The following PCDH9 variants were observed in gnomAD, a reference collection of about 807,000 sequenced individuals.
The protein encoded by PCDH9 is protocadherin-9.
PCDH9 carries 24 observed loss-of-function variants against 70.6 expected under a neutral mutation model. The ratio of observed to expected loss-of-function variants is 0.34; its 90% CI spans 0.25 to 0.48. PCDH9 has a LOEUF of 0.48. PCDH9 is among the 20% of genes least tolerant of loss of function. The pLI is 0.99. For missense variants in PCDH9, 1,281 were observed against 1,503.6 expected, an observed-to-expected ratio of 0.85 and a Z score of 2.45; for synonymous variants, 562 against 558.5, an observed-to-expected ratio of 1.01 and a Z score of -0.09.
intron 4 of PCDH9, among the ~76,000 whole-genome samples, chr13:66,401,088 G>T (rs1183639701): frequency 6.6e-6 from 1 of 152,162 alleles, no homozygotes; most frequent in Admixed American, 6.5e-5. Flanking sequence ...TGATTATGTG[G>T]TATGCAATAG....
intron 2 of PCDH9, among the ~76,000 whole-genome samples, chr13:66,926,784 G>A (rs1389307148): frequency 5.3e-5 from 8 of 151,998 alleles, no homozygotes; most frequent in Non-Finnish European, 8.8e-5. Flanking sequence ...AATTTTTTGT[G>A]TTAAGTGCTT....
At chr13:67,115,233 T>C (rs2086735978) in intron 2 of PCDH9, among the ~76,000 whole-genome samples, 1 of 152,198 alleles carries the variant, frequency 6.6e-6, no homozygotes, top group South Asian at 2.1e-4. Context: ...GTAATAATAA[T>C]TGGATTTATA....
chr13:66,632,543 G>C (rs1427108668), intron 3 of PCDH9, among the ~76,000 whole-genome samples: 1 of 152,148 alleles, frequency 6.6e-6, no homozygotes, highest in Non-Finnish European at 1.5e-5. Context: ...GTGACCTAAA[G>C]TGTATACATG....
chr13:67,049,388 C>T (rs958077207), intron 2 of PCDH9, among the ~76,000 whole-genome samples: 7 of 152,174 alleles, frequency 4.6e-5, no homozygotes, highest in Non-Finnish European at 1.0e-4. Flanking sequence ...ATATTTCACA[C>T]TTGGACATCT....
At chr13:67,181,671 A>C (rs2088618961) in intron 2 of PCDH9, among the ~76,000 whole-genome samples, 1 of 152,188 alleles carries the variant, frequency 6.6e-6, no homozygotes, top group South Asian at 2.1e-4. Context: ...AAGCAAAGTA[A>C]GTGAATCTTG....
intron 3 of PCDH9, among the ~76,000 whole-genome samples, chr13:66,808,103 C>A (rs1006793768): frequency 2.0e-5 from 3 of 151,940 alleles, no homozygotes; most frequent in African/African-American, 7.3e-5. Flanking sequence ...AGTGACCATA[C>A]CTGAAGGAAA....
At chr13:66,423,181 A>T (rs1229252104) in intron 4 of PCDH9, among the ~76,000 whole-genome samples, 1 of 152,122 alleles carries the variant, frequency 6.6e-6, no homozygotes, top group African/African-American at 2.4e-5. Context: ...CTACCAACCA[A>T]AAAAAGCCCA....
chr13:66,806,683 T>C (rs1410988550), intron 3 of PCDH9, among the ~76,000 whole-genome samples: 2 of 152,160 alleles, frequency 1.3e-5, no homozygotes, highest in Non-Finnish European at 2.9e-5. Flanking sequence ...AGTGAAGCAC[T>C]TTATCTCTCT....
At chr13:66,657,007 A>G (rs934872403) in intron 3 of PCDH9, among the ~76,000 whole-genome samples, 1 of 152,214 alleles carries the variant, frequency 6.6e-6, no homozygotes, top group Non-Finnish European at 1.5e-5. Flanking sequence ...CAAGGAAAAG[A>G]AAACAACAGA....
rs1289450252 is a variant in PCDH9 at position 67,074,971 on chromosome 13, G to A, written c.3036+150434C>T. Reference sequence around the variant, plus strand: ...TGAAAATAGGATTTGCTCTTCCTAAGTTTAGACATTTTTTTTTAGGTGCCA... The same window carrying A: ...TGAAAATAGGATTTGCTCTTCCTAAATTTAGACATTTTTTTTTAGGTGCCA... On this transcript the variant is annotated intron_variant, in intron 2 of 4. Transcript: ENST00000377865. 1.3e-5 allele frequency among the ~76,000 whole-genome samples: 2 copies of A among 151,750 alleles called. 1 individual carries two copies. The highest frequency in any genetic ancestry group is 2.9e-5 in the Non-Finnish European group (2 of 67,962).
intron 2 of PCDH9, among the ~76,000 whole-genome samples, chr13:66,978,848 ATATG>A (rs1333470973): frequency 6.6e-6 from 1 of 150,874 alleles, no homozygotes; most frequent in Non-Finnish European, 1.5e-5. Context: ...ATGTATGTAT[ATATG>A]TATATTTATA....
chr13:67,154,575 C>CAAAAA (rs753995213), intron 2 of PCDH9, among the ~76,000 whole-genome samples: 22 of 37,268 alleles, frequency 5.9e-4, no homozygotes, highest in East Asian at 1.9e-3. Context: ...GACCCTGTCT[C>CAAAAA]AAAAAAAAAA....
intron 2 of PCDH9, among the ~76,000 whole-genome samples, chr13:66,925,847 A>T (rs1312406176): frequency 6.6e-6 from 1 of 152,008 alleles, no homozygotes; most frequent in Non-Finnish European, 1.5e-5. Flanking sequence ...ATCATCATTC[A>T]TTGCCGAGCT....
At chr13:66,365,242 T>C (rs1268363979) in intron 4 of PCDH9, among the ~76,000 whole-genome samples, 1 of 152,170 alleles carries the variant, frequency 6.6e-6, no homozygotes, top group Admixed American at 6.6e-5. Context: ...CAAGGTTCTG[T>C]CTTGGAGAAA....
chr13:67,209,454 A>G (rs978726912), intron 2 of PCDH9: 1 of 152,110 alleles, frequency 6.6e-6, no homozygotes, highest in African/African-American at 2.4e-5. Context: ...CATCGATGTC[A>G]ATTTTCCAAA....
chr13:66,645,398 AT>A (rs1382772594), intron 3 of PCDH9, among the ~76,000 whole-genome samples: 1 of 152,128 alleles, frequency 6.6e-6, no homozygotes, highest in Non-Finnish European at 1.5e-5. Flanking sequence ...ATATAAATAT[AT>A]TTTAGCAACA....
intron 2 of PCDH9, among the ~76,000 whole-genome samples, chr13:67,182,586 G>A (rs936934325): frequency 7.2e-5 from 11 of 152,030 alleles, no homozygotes; most frequent in Non-Finnish European, 1.3e-4. Flanking sequence ...GTATCCCTCT[G>A]CTGAAAACTG....
At chr13:66,578,067 A>C (rs1263803395) in intron 4 of PCDH9, among the ~76,000 whole-genome samples, 1 of 152,086 alleles carries the variant, frequency 6.6e-6, no homozygotes, top group Non-Finnish European at 1.5e-5. Context: ...ATTATCTAAA[A>C]GTTTATTTTA....
chr13:66,817,131 G>A lies in PCDH9; in HGVS notation c.3138+86373C>T, dbSNP rs191089112. Among the ~76,000 whole-genome samples, 7 of 152,208 alleles carry A rather than the reference G, an allele frequency of 4.6e-5. No individual in the cohort carries two copies. In the East Asian group the frequency reaches 1.2e-3, roughly 25 times the overall value. ...AATCTAGAGATGACAAAGTATATGG[G>A]AAGATGTGTAAGAGTTATATTCAAA... On this transcript the variant is annotated intron_variant, in intron 3 of 4. Coordinates refer to ENST00000377865, the MANE Select transcript of PCDH9 (RefSeq NM_203487.3).
Sources: allele counts gnomAD v4.1 joint callset (sites outside exome capture counted in the v4.1 genomes callset), GRCh38; gene constraint gnomAD v4.1.1; transcripts MANE v1.5; gene names NCBI Gene and HGNC (gene_info 2026-07-23, HGNC 2026-07-21).